PDE7B: variants seen among roughly 807,000 people sequenced by gnomAD.
The protein encoded by PDE7B is phosphodiesterase 7B, also known as 3',5'-cyclic-AMP phosphodiesterase 7B.
PDE7B carries 29 observed loss-of-function variants against 56.2 expected under a neutral mutation model. The ratio of observed to expected loss-of-function variants is 0.52; its 90% CI spans 0.38 to 0.70. The LOEUF (loss-of-function observed/expected upper bound fraction) is 0.70. Ranked by LOEUF, PDE7B falls within the 30% of genes least tolerant of loss-of-function variation. The pLI is 0.00. For missense variants in PDE7B, 490 were observed against 565.0 expected (o/e 0.87, Z 1.35); for synonymous variants, 197 against 196.9 (o/e 1.00, Z 0.00).
At chr6:136,168,115 G>T (rs1015233231) in intron 8 of PDE7B, among the ~76,000 whole-genome samples, 5 of 152,082 alleles carry the variant, frequency 3.3e-5, no homozygotes, top group African/African-American at 1.2e-4. Context: ...ACCTTGGAAG[G>T]TATTAGGGTT....
chr6:136,141,208 C>T (rs555453320), intron 3 of PDE7B, among the ~76,000 whole-genome samples: 140 of 152,212 alleles, frequency 9.2e-4, no homozygotes, highest in African/African-American at 2.9e-3. Flanking sequence ...GCCTTTTCTG[C>T]GTCTATTGAG....
At chr6:136,183,598 A>G (rs1356002346) in intron 11 of PDE7B, among the ~76,000 whole-genome samples, 1 of 111,326 alleles carries the variant, frequency 9.0e-6, no homozygotes, top group Non-Finnish European at 1.5e-5. Context: ...TCTGTCTCAA[A>G]AAAAAAAAAA....
In PDE7B at chr6:135,885,615, C is replaced by T. The variant is rs187317282; in HGVS notation, c.21+33596C>T. ...ACACATTCTGCTATTAAGTGTAACC[C>T]CATTCCAAGAAATTAAGCTTTGAAG... On this transcript the variant is annotated intron_variant, in intron 1 of 12. Coordinates refer to ENST00000308191, the MANE Select transcript of PDE7B (RefSeq NM_018945.4). 5.3e-5 allele frequency among the ~76,000 whole-genome samples: 8 copies of T among 152,170 alleles called. No homozygotes were observed. In the East Asian group the frequency reaches 1.5e-3, roughly 29 times the overall value.
intron 2 of PDE7B, among the ~76,000 whole-genome samples, chr6:136,007,565 G>A (rs952422042): frequency 6.6e-6 from 1 of 151,700 alleles, no homozygotes; most frequent in African/African-American, 2.4e-5. Context: ...GTAAAATGAG[G>A]ATGACATGTA....
At chr6:136,038,002 T>A (rs985712981) in intron 2 of PDE7B, 6 of 1,276,388 alleles carry the variant, frequency 4.7e-6, no homozygotes, top group Admixed American at 4.6e-5. Flanking sequence ...AAGGAAGGAG[T>A]ACAGTAACAG....
chr6:136,022,947 G>A (rs1250901924), intron 2 of PDE7B, among the ~76,000 whole-genome samples: 1 of 151,950 alleles, frequency 6.6e-6, no homozygotes, highest in African/African-American at 2.4e-5. Flanking sequence ...GATTAGAGAT[G>A]GAAACCAGAA....
chr6:136,157,183 A>G (rs1178444589), intron 8 of PDE7B, among the ~76,000 whole-genome samples: 1 of 152,206 alleles, frequency 6.6e-6, no homozygotes, highest in Non-Finnish European at 1.5e-5. Flanking sequence ...CCTAAGAACT[A>G]TGCATCCTGC....
At chr6:135,958,007 G>T (rs555695612) in intron 2 of PDE7B, among the ~76,000 whole-genome samples, 1 of 152,050 alleles carries the variant, frequency 6.6e-6, no homozygotes, top group Admixed American at 6.6e-5. Flanking sequence ...CGAGGTGGGC[G>T]GATACCCTGA....
At chr6:135,905,335 CGTGTGTGTGTGTATGTGT>C (rs898389696) in intron 1 of PDE7B, among the ~76,000 whole-genome samples, 73 of 122,448 alleles carry the variant, frequency 6.0e-4, no homozygotes, top group Non-Finnish European at 5.4e-4. Context: ...TACATACATG[CGTGTGTGTGTGTATGTGT>C]GTGTGTGTGT....
At chr6:135,977,838 T>C (rs948639755) in intron 2 of PDE7B, among the ~76,000 whole-genome samples, 3 of 152,126 alleles carry the variant, frequency 2.0e-5, no homozygotes, top group Non-Finnish European at 4.4e-5. Flanking sequence ...CAAAAGTAAT[T>C]GTGGTTTTTG....
At chr6:135,877,760 A>C (rs926573168) in intron 1 of PDE7B, among the ~76,000 whole-genome samples, 22 of 148,766 alleles carry the variant, frequency 1.5e-4, no homozygotes, top group African/African-American at 5.7e-4. Context: ...AACAAAAAAA[A>C]AAAAAAAGGG....
chr6:135,900,529 A>T (rs1410722883), intron 1 of PDE7B, among the ~76,000 whole-genome samples: 2 of 151,680 alleles, frequency 1.3e-5, no homozygotes, highest in African/African-American at 2.4e-5. Context: ...GTTTTCTTTC[A>T]ATTCTACCCT....
intron 1 of PDE7B, among the ~76,000 whole-genome samples, chr6:135,855,704 G>A (rs922530572): frequency 2.0e-5 from 3 of 152,094 alleles, no homozygotes; most frequent in African/African-American, 7.2e-5. Flanking sequence ...ATCATTCCTT[G>A]AACTTAAAAC....
rs557300408 is a variant in PDE7B at position 135,976,398 on chromosome 6, A to G, written c.82+28874A>G. Among the ~76,000 whole-genome samples, 64 of 152,162 alleles carry G rather than the reference A, an allele frequency of 4.2e-4. 1 individual carries two copies. The highest frequency in any genetic ancestry group is 1.5e-3 in the African/African-American group (63 of 41,536). On this transcript the variant is annotated intron_variant, in intron 2 of 12. Coordinates refer to ENST00000308191, the MANE Select transcript of PDE7B (RefSeq NM_018945.4). ...AAGGGTCAATTGTACTGTTTCCCCA[A>G]TGGCGCTGCTGGGAGCTGCTTGATT...
At chr6:136,145,605 C>T (rs1286311432) in intron 3 of PDE7B, among the ~76,000 whole-genome samples, 1 of 152,142 alleles carries the variant, frequency 6.6e-6, no homozygotes, top group Non-Finnish European at 1.5e-5. Context: ...TCATGGCCAA[C>T]TCTCAGTCTT....
At chr6:136,085,484 C>T (rs1361398944) in intron 2 of PDE7B, among the ~76,000 whole-genome samples, 1 of 152,128 alleles carries the variant, frequency 6.6e-6, no homozygotes, top group African/African-American at 2.4e-5. Context: ...AACTTTTAAG[C>T]CTGGTAGCCC....
rs1583703038 is a variant in PDE7B at position 135,851,866 on chromosome 6, T to C, written c.-133T>C. 8.2e-6 allele frequency: 5 copies of C among 612,950 alleles called. 1 individual carries two copies. In the South Asian group the frequency reaches 9.2e-5, roughly 11 times the overall value. The allele number at this position is 612,950 out of a possible 1,614,324, so 38.0% of individuals were successfully genotyped here. A position where few individuals can be genotyped will look rare whatever the true frequency, so the allele number is the denominator to read the frequency against. On this transcript the variant is annotated 5_prime_UTR_variant, in exon 1 of 13. Coordinates refer to ENST00000308191, the MANE Select transcript of PDE7B (RefSeq NM_018945.4). ...TTCTTTTCCTTTTTTTTCTTTTTTT[T>C]TTTTTGTTACTTAATTATATTCCTA...
At chr6:135,865,615 TTGTGTGTGTGTGTG>T (rs3037648) in intron 1 of PDE7B, among the ~76,000 whole-genome samples, 16 of 142,370 alleles carry the variant, frequency 1.1e-4, no homozygotes, top group South Asian at 9.3e-4. Context: ...GCACTAGGCA[TTGTGTGTGTGTGTG>T]TGTGTGTGTG....
At chr6:136,074,681 G>C (rs1777102855) in intron 2 of PDE7B, among the ~76,000 whole-genome samples, 1 of 152,134 alleles carries the variant, frequency 6.6e-6, no homozygotes, top group Non-Finnish European at 1.5e-5. Flanking sequence ...ATATAAAGTT[G>C]ATCTTTCTGT....
Sources: allele counts gnomAD v4.1 joint callset (sites outside exome capture counted in the v4.1 genomes callset), GRCh38; gene constraint gnomAD v4.1.1; transcripts MANE v1.5; gene names NCBI Gene and HGNC (gene_info 2026-07-23, HGNC 2026-07-21).